The following NDUFAF6 variants were observed in gnomAD, a reference collection of about 807,000 sequenced individuals.
NDUFAF6 encodes NADH:ubiquinone oxidoreductase complex assembly factor 6, also known as NADH dehydrogenase (ubiquinone) complex I, assembly factor 6.
NDUFAF6 carries 45 observed loss-of-function variants against 40.8 expected under a neutral mutation model. The observed-to-expected ratio is 1.10, with a 90% CI of 0.87 to 1.42. The LOEUF is 1.42. Among genes scored for constraint, NDUFAF6 ranks in the 40% most tolerant of loss-of-function variants. The pLI is 0.00. For missense variants in NDUFAF6, 435 were observed against 418.5 expected (o/e 1.04, Z -0.34); for synonymous variants, 185 against 155.9 (o/e 1.19, Z -1.39).
At chr8:94,938,295 G>C (rs1212827512) in intron 1 of NDUFAF6, among the ~76,000 whole-genome samples, 1 of 152,200 alleles carries the variant, frequency 6.6e-6, no homozygotes, top group Non-Finnish European at 1.5e-5. Flanking sequence ...TTCTGGTGTT[G>C]TGCCAGTATT....
chr8:94,970,114 G>T (rs1429817021), intron 1 of NDUFAF6, among the ~76,000 whole-genome samples: 1 of 151,956 alleles, frequency 6.6e-6, no homozygotes, highest in Non-Finnish European at 1.5e-5. Context: ...AATTAGCCAG[G>T]TGTGGTGGCA....
At position 95,071,234 on chromosome 8, in the gene NDUFAF6, C is replaced by CAA. The variant is rs34778035; in HGVS notation, c.*512-4386_*512-4385dup. ...TGAAAACCCGTCTCTACTAAAAATA[C>CAA]AAAAAAAAAAAAAATTAGCCGGGCA... On this transcript the variant is annotated intron_variant and NMD_transcript_variant, in intron 9 of 9. Coordinates refer to the NDUFAF6 transcript ENST00000520757. 1.6e-3 allele frequency among the ~76,000 whole-genome samples: 235 copies of CAA among 147,106 alleles called. 1 individual carries two copies. The highest frequency in any genetic ancestry group is 5.6e-3 in the African/African-American group (223 of 39,730).
chr8:95,008,827 T>G (rs1309603803), intron 2 of NDUFAF6, among the ~76,000 whole-genome samples: 3 of 152,194 alleles, frequency 2.0e-5, no homozygotes, highest in African/African-American at 4.8e-5. Flanking sequence ...TGTTTTAATA[T>G]TTAAACTGAA....
At chr8:95,108,753 T>G (rs572895203) in intron 4 of NDUFAF6, among the ~76,000 whole-genome samples, 10 of 152,234 alleles carry the variant, frequency 6.6e-5, no homozygotes, top group African/African-American at 2.2e-4. Flanking sequence ...GGATGTAAAT[T>G]GGTACAGCTG....
chr8:94,997,343 CAGAGAG>C (rs60911286), intron 2 of NDUFAF6, among the ~76,000 whole-genome samples: 2,006 of 90,520 alleles, frequency 0.022, 31 homozygotes, highest in Middle Eastern at 0.059. Flanking sequence ...CACACACACA[CAGAGAG>C]AGAGAGAGAG....
chr8:94,931,036 G>T (rs544754679), intron 1 of NDUFAF6, among the ~76,000 whole-genome samples: 1 of 152,188 alleles, frequency 6.6e-6, no homozygotes, highest in Non-Finnish European at 1.5e-5. Context: ...ATATAAGCTT[G>T]TCTGGGAGGG....
At chr8:95,070,169 C>G (rs1267963996) in intron 9 of NDUFAF6, among the ~76,000 whole-genome samples, 1 of 152,126 alleles carries the variant, frequency 6.6e-6, no homozygotes, top group African/African-American at 2.4e-5. Context: ...GGTTTATATG[C>G]TGGCTCCTCT....
intron 1 of NDUFAF6, among the ~76,000 whole-genome samples, chr8:94,916,089 T>G (rs1395009847): frequency 6.6e-6 from 1 of 152,220 alleles, no homozygotes; most frequent in Admixed American, 6.5e-5. Context: ...GTGTGTACTT[T>G]AGGCAGTGAG....
intron 3 of NDUFAF6, among the ~76,000 whole-genome samples, chr8:95,038,292 A>G (rs1341093986): frequency 1.3e-5 from 2 of 152,202 alleles, no homozygotes; most frequent in Non-Finnish European, 2.9e-5. Flanking sequence ...CCACATTCAT[A>G]ATTTTTTTGT....
At chr8:94,959,590 G>A (rs1258321678) in intron 1 of NDUFAF6, among the ~76,000 whole-genome samples, 3 of 150,910 alleles carry the variant, frequency 2.0e-5, no homozygotes, top group African/African-American at 7.3e-5. Context: ...GAGTGCAGTG[G>A]CACATTCATG....
chr8:95,036,839 G>C (rs1002852706), intron 3 of NDUFAF6, among the ~76,000 whole-genome samples: 1 of 152,192 alleles, frequency 6.6e-6, no homozygotes, highest in Non-Finnish European at 1.5e-5. Flanking sequence ...AAATTTTGAT[G>C]GTTAATGTTG....
intron 1 of NDUFAF6, among the ~76,000 whole-genome samples, chr8:94,903,419 G>T (rs1408109051): frequency 6.6e-6 from 1 of 152,138 alleles, no homozygotes; most frequent in Non-Finnish European, 1.5e-5. Flanking sequence ...GTACAGCCAT[G>T]TGTATCAACC....
chr8:94,930,725 C>T (rs778413054), intron 1 of NDUFAF6: 6 of 1,613,252 alleles, frequency 3.7e-6, no homozygotes, highest in Non-Finnish European at 5.1e-6. Context: ...TTTGAGCTTC[C>T]ACTCTGAAAC....
At chr8:94,974,707 G>C (rs927273851) in intron 1 of NDUFAF6, 2 of 167,326 alleles carry the variant, frequency 1.2e-5, no homozygotes, top group African/African-American at 4.8e-5. Context: ...GAATGCCATA[G>C]GAGAGATGCT....
At chr8:95,000,984 C>G (rs1295684079) in intron 2 of NDUFAF6, among the ~76,000 whole-genome samples, 1 of 142,616 alleles carries the variant, frequency 7.0e-6, no homozygotes, top group Non-Finnish European at 1.5e-5. Flanking sequence ...GAGACAGGGT[C>G]TCGCTCTGTC....
chr8:94,989,165 TCAAAAAAAAGA>T (rs1826080070), intron 2 of NDUFAF6: 1 of 151,994 alleles, frequency 6.6e-6, no homozygotes, highest in Non-Finnish European at 1.5e-5. Flanking sequence ...ATAAAGTTGT[TCAAAAAAAAGA>T]GAAAAAAATG....
At chr8:94,911,481 T>C (rs1214273639) in intron 1 of NDUFAF6, among the ~76,000 whole-genome samples, 1 of 152,244 alleles carries the variant, frequency 6.6e-6, no homozygotes, top group Admixed American at 6.5e-5. Flanking sequence ...ATGCGTTGGC[T>C]CCGCTTCTGG....
intron 1 of NDUFAF6, among the ~76,000 whole-genome samples, chr8:94,980,442 G>GTTTTTTTTT (rs869184585): frequency 1.1e-3 from 119 of 107,862 alleles, no homozygotes; most frequent in Non-Finnish European, 1.6e-3. Flanking sequence ...TGGTTTTTTT[G>GTTTTTTTTT]TTTTTTTTTT....
intron 4 of NDUFAF6, among the ~76,000 whole-genome samples, chr8:95,109,492 C>T (rs1809931763): frequency 6.6e-6 from 1 of 152,052 alleles, no homozygotes. Flanking sequence ...TTGTACTCTT[C>T]AGAGAATGCC....
Sources: allele counts gnomAD v4.1 joint callset (sites outside exome capture counted in the v4.1 genomes callset), GRCh38; gene constraint gnomAD v4.1.1; transcripts MANE v1.5; gene names NCBI Gene and HGNC (gene_info 2026-07-23, HGNC 2026-07-21).